The following ADAM12 variants were observed in gnomAD, a reference collection of about 807,000 sequenced individuals.
The protein encoded by ADAM12 is disintegrin and metalloproteinase domain-containing protein 12.
In ADAM12, 70 loss-of-function variants were observed where a neutral mutation model predicts 106.4. The observed-to-expected ratio is 0.66, with a 90% CI of 0.54 to 0.80. ADAM12 has a LOEUF of 0.80. ADAM12 is among the 30% of genes least tolerant of loss of function. ADAM12 has a pLI of 0.00. For synonymous variants in ADAM12, 420 were observed against 433.5 expected (o/e 0.97, Z 0.39); for missense variants, 1,010 against 1,171.9 (o/e 0.86, Z 2.02).
intron 3 of ADAM12, among the ~76,000 whole-genome samples, chr10:126,246,877 G>A (rs1958640549): frequency 6.6e-6 from 1 of 152,140 alleles, no homozygotes; most frequent in South Asian, 2.1e-4. Flanking sequence ...GGAAGTTCTG[G>A]GCAGGGCAAT....
chr10:126,126,362 C>A (rs1334430004), intron 5 of ADAM12, among the ~76,000 whole-genome samples: 1 of 152,170 alleles, frequency 6.6e-6, no homozygotes, highest in East Asian at 1.9e-4. Flanking sequence ...TGGTTTTGTG[C>A]AACCTGCTTC....
intron 1 of ADAM12, among the ~76,000 whole-genome samples, chr10:126,372,603 C>A (rs1856149497): frequency 6.6e-6 from 1 of 152,206 alleles, no homozygotes; most frequent in South Asian, 2.1e-4. Flanking sequence ...GAAGTAACAT[C>A]AGGGGAGATA....
At chr10:126,216,750 C>T (rs1363914590) in intron 3 of ADAM12, among the ~76,000 whole-genome samples, 5 of 152,200 alleles carry the variant, frequency 3.3e-5, no homozygotes, top group Non-Finnish European at 7.3e-5. Context: ...AGGTGGCCTC[C>T]CTCCCTGCCT....
At chr10:126,253,039 T>A (rs1958817303) in intron 3 of ADAM12, among the ~76,000 whole-genome samples, 2 of 152,242 alleles carry the variant, frequency 1.3e-5, no homozygotes, top group Non-Finnish European at 2.9e-5. Context: ...TTATAGCTAC[T>A]GTCACATAAC....
chr10:126,253,587 G>C (rs1277610485), intron 3 of ADAM12, among the ~76,000 whole-genome samples: 1 of 152,166 alleles, frequency 6.6e-6, no homozygotes, highest in Non-Finnish European at 1.5e-5. Context: ...TCTGCTTCTC[G>C]TGTGGCAGAG....
At chr10:126,321,296 A>T (rs544821852) in intron 2 of ADAM12, among the ~76,000 whole-genome samples, 10 of 152,332 alleles carry the variant, frequency 6.6e-5, no homozygotes, top group African/African-American at 2.4e-4. Flanking sequence ...TTATTTTAAA[A>T]TATGATTTTT....
chr10:126,307,578 T>C (rs1392387058), intron 2 of ADAM12, among the ~76,000 whole-genome samples: 1 of 152,186 alleles, frequency 6.6e-6, no homozygotes, highest in Non-Finnish European at 1.5e-5. Context: ...CTCTGTTCTG[T>C]TGCCCAGGCT....
intron 3 of ADAM12, among the ~76,000 whole-genome samples, chr10:126,274,440 C>A (rs1475738664): frequency 1.3e-5 from 2 of 152,140 alleles, no homozygotes; most frequent in Admixed American, 1.3e-4. Context: ...ACAAGAACTA[C>A]TAACAAATTT....
chr10:126,253,287 T>C (rs116600840), intron 3 of ADAM12, among the ~76,000 whole-genome samples: 1,561 of 152,334 alleles, frequency 0.01, 26 homozygotes, highest in African/African-American at 0.035. Context: ...CAAGTCACCA[T>C]GATGCATTTC....
At chr10:126,198,702 T>C (rs1227704576) in intron 3 of ADAM12, among the ~76,000 whole-genome samples, 2 of 152,206 alleles carry the variant, frequency 1.3e-5, no homozygotes, top group Non-Finnish European at 2.9e-5. Context: ...TGAACAACCA[T>C]TACAAACAGA....
At chr10:126,202,696 T>C (rs757524536) in intron 3 of ADAM12, among the ~76,000 whole-genome samples, 21 of 152,184 alleles carry the variant, frequency 1.4e-4, no homozygotes, top group Non-Finnish European at 2.8e-4. Flanking sequence ...ACTCACAACG[T>C]ACAATTTTGC....
chr10:126,177,060 A>ACACG lies in ADAM12; in HGVS notation c.261-21756_261-21755insCGTG, dbSNP rs562750216. On this transcript the variant is annotated intron_variant, in intron 3 of 22. Coordinates refer to ENST00000448723, the MANE Select transcript of ADAM12 (RefSeq NM_001288973.2). Reference sequence around the variant, plus strand: ...CACATGTGCACACACACACACACGCACACACACACGGTTTCCTGGTCATAA... The same window carrying ACACG: ...CACATGTGCACACACACACACACGCACACGCACACACACGGTTTCCTGGTCATAA... Among the ~76,000 whole-genome samples the ACACG allele has an allele frequency of 7.5e-4, 112 of 150,184 alleles. 2 individuals carry two copies. In the South Asian group the frequency reaches 0.022, roughly 29 times the overall value.
intron 3 of ADAM12, among the ~76,000 whole-genome samples, chr10:126,275,970 C>T (rs1354637784): frequency 6.6e-6 from 1 of 152,108 alleles, no homozygotes; most frequent in Non-Finnish European, 1.5e-5. Context: ...AAACTATTTT[C>T]ATTTTTTAGA....
At chr10:126,242,942 A>G (rs1958556012) in intron 3 of ADAM12, among the ~76,000 whole-genome samples, 3 of 152,342 alleles carry the variant, frequency 2.0e-5, no homozygotes, top group Non-Finnish European at 2.9e-5. Context: ...GTCCCCTGAA[A>G]GGGATATGAT....
chr10:126,341,836 T>G (rs965112508), intron 1 of ADAM12, among the ~76,000 whole-genome samples: 2 of 152,232 alleles, frequency 1.3e-5, no homozygotes, highest in African/African-American at 2.4e-5. Context: ...TTGAAATGTA[T>G]TTTTTATAGA....
At chr10:126,069,652 G>C (rs1954945053) in intron 12 of ADAM12, among the ~76,000 whole-genome samples, 1 of 152,204 alleles carries the variant, frequency 6.6e-6, no homozygotes, top group Non-Finnish European at 1.5e-5. Context: ...ATAATGATAG[G>C]GGTGGGGATG....
intron 3 of ADAM12, among the ~76,000 whole-genome samples, chr10:126,183,043 G>C (rs964288712): frequency 4.6e-5 from 7 of 152,138 alleles, no homozygotes; most frequent in African/African-American, 1.7e-4. Flanking sequence ...AGAAGCACTA[G>C]ATTCTCACAA....
At chr10:126,074,662 A>G (rs995747723) in intron 11 of ADAM12, among the ~76,000 whole-genome samples, 2 of 152,202 alleles carry the variant, frequency 1.3e-5, no homozygotes, top group African/African-American at 4.8e-5. Context: ...AGTGTTAACA[A>G]AATTCTTTCT....
At chr10:126,133,940 G>A (rs1261922011) in intron 5 of ADAM12, among the ~76,000 whole-genome samples, 1 of 152,090 alleles carries the variant, frequency 6.6e-6, no homozygotes, top group Non-Finnish European at 1.5e-5. Context: ...TCTCAGCTTT[G>A]TCTTTCTCCA....
Sources: allele counts gnomAD v4.1 joint callset (sites outside exome capture counted in the v4.1 genomes callset), GRCh38; gene constraint gnomAD v4.1.1; transcripts MANE v1.5; gene names NCBI Gene and HGNC (gene_info 2026-07-23, HGNC 2026-07-21).